Variants in KCNG3 observed in about 807,000 individuals in gnomAD.
KCNG3 encodes the protein voltage-gated potassium channel regulatory subunit KCNG3.
KCNG3 carries 15 observed loss-of-function variants against 29.0 expected under a neutral mutation model. That is an observed-to-expected ratio of 0.52 (90% CI 0.35 to 0.80). The LOEUF is 0.80. Ranked by LOEUF, KCNG3 falls within the 30% of genes least tolerant of loss-of-function variation. KCNG3 has a pLI of 0.01. For missense variants in KCNG3, 512 were observed against 605.7 expected (o/e 0.85, Z 1.62); for synonymous variants, 322 against 248.9 (o/e 1.29, Z -2.76).
intron 1 of KCNG3, among the ~76,000 whole-genome samples, chr2:42,477,149 G>A (rs183975306): frequency 5.2e-4 from 76 of 146,292 alleles, no homozygotes; most frequent in East Asian, 4.7e-3. Context: ...CTGAGATTAC[G>A]CCACTGCACT....
At chr2:42,446,293 C>T (rs918666064) in intron 1 of KCNG3, among the ~76,000 whole-genome samples, 2 of 152,036 alleles carry the variant, frequency 1.3e-5, no homozygotes, top group Admixed American at 6.5e-5. Context: ...TCTCGTGCCT[C>T]ACCCTCCCAA....
At chr2:42,469,943 G>A (rs1203079979) in intron 1 of KCNG3, 10 of 362,704 alleles carry the variant, frequency 2.8e-5, no homozygotes, top group African/African-American at 1.9e-4. Context: ...GGCCAACAAG[G>A]CCTGACTCCT....
the KCNG3 span, among the ~76,000 whole-genome samples, chr2:42,411,503 G>A: frequency 6.6e-6 from 1 of 151,908 alleles, no homozygotes; most frequent in Non-Finnish European, 1.5e-5. Context: ...TTGTTTGAGA[G>A]AGAGAGCCTT....
the KCNG3 span, among the ~76,000 whole-genome samples, chr2:42,402,136 G>C: frequency 6.6e-6 from 1 of 152,164 alleles, no homozygotes; most frequent in Admixed American, 6.5e-5. Context: ...CAAAAGCAGA[G>C]GAAGGGTAAA....
At chr2:42,467,497 A>G (rs1673170154) in intron 1 of KCNG3, among the ~76,000 whole-genome samples, 1 of 150,130 alleles carries the variant, frequency 6.7e-6, no homozygotes, top group South Asian at 2.1e-4. Flanking sequence ...GTGAAAACCC[A>G]TCTCTACTAA....
chr2:42,412,195 C>T, the KCNG3 span, among the ~76,000 whole-genome samples: 1 of 152,222 alleles, frequency 6.6e-6, no homozygotes, highest in African/African-American at 2.4e-5. Context: ...ACTTTGAAAT[C>T]ATTACTCCCA....
chr2:42,405,344 CTTTGTG>C, the KCNG3 span, among the ~76,000 whole-genome samples: 1 of 151,726 alleles, frequency 6.6e-6, no homozygotes, highest in South Asian at 2.1e-4. Flanking sequence ...TTGATTTCTC[CTTTGTG>C]TTTGTTTTCT....
chr2:42,419,818 G>C, the KCNG3 span, among the ~76,000 whole-genome samples: 1 of 152,240 alleles, frequency 6.6e-6, no homozygotes, highest in Non-Finnish European at 1.5e-5. Context: ...ATGTGCATCA[G>C]GGTTAAATCG....
chr2:42,431,124 T>A, the KCNG3 span, among the ~76,000 whole-genome samples: 46 of 146,950 alleles, frequency 3.1e-4, no homozygotes, highest in South Asian at 9.2e-3. Flanking sequence ...AAAAAAAAAA[T>A]TATAAAACAT....
At chr2:42,419,704 A>ATC in the KCNG3 span, among the ~76,000 whole-genome samples, 1 of 152,354 alleles carries the variant, frequency 6.6e-6, no homozygotes, top group Non-Finnish European at 1.5e-5. Flanking sequence ...ATTAAAAGTA[A>ATC]GATCATCTAC....
chr2:42,430,013 G>T, the KCNG3 span, among the ~76,000 whole-genome samples: 1 of 152,062 alleles, frequency 6.6e-6, no homozygotes, highest in Admixed American at 6.6e-5. Context: ...CAGAGAGAAA[G>T]ATATATTTTT....
intron 1 of KCNG3, among the ~76,000 whole-genome samples, chr2:42,448,702 G>A (rs1417917149): frequency 6.6e-6 from 1 of 152,038 alleles, no homozygotes; most frequent in East Asian, 1.9e-4. Flanking sequence ...AGTAAAACAC[G>A]CTTATGGCCG....
chr2:42,430,280 A>T, the KCNG3 span, among the ~76,000 whole-genome samples: 1 of 151,630 alleles, frequency 6.6e-6, no homozygotes, highest in African/African-American at 2.4e-5. Flanking sequence ...AAGTGGGAGG[A>T]TTGCTTGAGC....
At chr2:42,430,535 G>C in the KCNG3 span, among the ~76,000 whole-genome samples, 13 of 151,770 alleles carry the variant, frequency 8.6e-5, no homozygotes, top group African/African-American at 3.1e-4. Context: ...AGATCACTTG[G>C]GCCCGGGAGG....
At chr2:42,487,093 G>A (rs1364570368) in intron 1 of KCNG3, among the ~76,000 whole-genome samples, 3 of 146,928 alleles carry the variant, frequency 2.0e-5, no homozygotes, top group Non-Finnish European at 4.5e-5. Flanking sequence ...GGAGGCAGAG[G>A]TTGCAGTGAG....
intron 1 of KCNG3, among the ~76,000 whole-genome samples, chr2:42,466,696 A>G (rs899285305): frequency 6.6e-6 from 1 of 152,032 alleles, no homozygotes; most frequent in African/African-American, 2.4e-5. Context: ...GACTGGTACA[A>G]AAGTTAATTG....
intron 1 of KCNG3, among the ~76,000 whole-genome samples, chr2:42,452,615 A>T (rs903733240): frequency 5.3e-5 from 8 of 152,144 alleles, no homozygotes; most frequent in African/African-American, 1.9e-4. Context: ...ATAAGTGAGA[A>T]CACAAGAAGT....
downstream of KCNG3, among the ~76,000 whole-genome samples, chr2:42,437,222 G>A (rs1447898062): frequency 1.3e-5 from 2 of 152,260 alleles, no homozygotes; most frequent in Middle Eastern, 3.4e-3. Context: ...AAACATGTGT[G>A]TGCCCAGTTT....
At position 42,444,286 on chromosome 2, in the gene KCNG3, T is replaced by C. The variant is rs1290448570; in HGVS notation, c.959A>G (p.Tyr320Cys). ...QTLGLTLKRC[Y>C]REMVMLLVFI... ...GACAAGTAACATAACCATCTCTCGGTAGCAACGTTTGAGAGTCAAACCGAG... is the reference window on the plus strand; with the variant it reads ...GACAAGTAACATAACCATCTCTCGGCAGCAACGTTTGAGAGTCAAACCGAG... Residue 320 changes from tyrosine (Y) to cysteine (C), a missense_variant, in exon 2 of 2, where the codon TAC (tyrosine) becomes TGC (cysteine). Around this residue, in one of 5 missense-constraint regions of KCNG3, gnomAD observed 173 missense variants for 262.4 expected, o/e 0.66. Coordinates refer to ENST00000306078, the MANE Select transcript of KCNG3 (RefSeq NM_133329.6). The surrounding 1 kb of genome is among the most constrained non-coding windows in gnomAD (Gnocchi z 5.8). 3.1e-6 allele frequency: 5 copies of C among 1,614,118 alleles called. No individual in the cohort carries two copies. The highest frequency in any genetic ancestry group is 4.2e-6 in the Non-Finnish European group (5 of 1,180,028).
Sources: allele counts gnomAD v4.1 joint callset (sites outside exome capture counted in the v4.1 genomes callset), GRCh38; gene constraint gnomAD v4.1.1; regional missense constraint gnomAD v4.1.1; non-coding constraint Gnocchi (gnomAD v3.1); transcripts MANE v1.5; gene names NCBI Gene and HGNC (gene_info 2026-07-23, HGNC 2026-07-21).